Variants in PAPPA2 observed in about 807,000 individuals in gnomAD.
PAPPA2 encodes pappalysin 2, also known as pappalysin-2.
A neutral mutation model predicts 176.4 loss-of-function variants in PAPPA2; 86 were observed. The observed-to-expected ratio is 0.49, with a 90% CI of 0.41 to 0.58. The LOEUF is 0.58. Among genes scored for constraint, PAPPA2 ranks in the 20% least tolerant of loss-of-function variants. The pLI is 0.00. For missense variants in PAPPA2, 2,073 were observed against 2,256.9 expected (o/e 0.92, Z 1.65); for synonymous variants, 809 against 852.2 (o/e 0.95, Z 0.88).
At chr1:176,722,392 T>C (rs1276623004) in intron 12 of PAPPA2, among the ~76,000 whole-genome samples, 1 of 151,472 alleles carries the variant, frequency 6.6e-6, no homozygotes, top group Non-Finnish European at 1.5e-5. Context: ...TAAGATAGCT[T>C]GTGCTTTGTG....
At position 176,790,699 on chromosome 1, in the gene PAPPA2, A is replaced by C. The variant is rs144043522; in HGVS notation, c.4885-648A>C. Among the ~76,000 whole-genome samples, 275 of 152,304 alleles carry C rather than the reference A, an allele frequency of 1.8e-3. 1 individual carries two copies. Among genetic ancestry groups the C allele is most frequent in the African/African-American group, 5.7e-3 (236 of 41,566 alleles). On this transcript the variant is annotated intron_variant, in intron 18 of 22. Coordinates refer to ENST00000367662, the MANE Select transcript of PAPPA2 (RefSeq NM_020318.3). The stretch of plus-strand genomic sequence containing the variant: ...GTTAAGGAACCATCAAGTTGACCAG[A>C]TGAAGGGAGGGCTACCTACATTTCT...
chr1:176,818,842 G>A (rs1475836151), intron 21 of PAPPA2, among the ~76,000 whole-genome samples: 1 of 152,160 alleles, frequency 6.6e-6, no homozygotes, highest in East Asian at 1.9e-4. Flanking sequence ...CCCTCCACAT[G>A]TCCCCTCTCT....
intron 12 of PAPPA2, among the ~76,000 whole-genome samples, chr1:176,714,688 G>A (rs757459183): frequency 5.3e-5 from 8 of 152,108 alleles, no homozygotes; most frequent in Non-Finnish European, 7.3e-5. Context: ...ATAGCAATAG[G>A]TGCATTAATT....
intron 1 of PAPPA2, among the ~76,000 whole-genome samples, chr1:176,533,748 G>GC (rs1457485100): frequency 6.6e-6 from 1 of 152,164 alleles, no homozygotes; most frequent in Non-Finnish European, 1.5e-5. Context: ...CAGTGGAATG[G>GC]CCCTCGATTC....
In PAPPA2 at chr1:176,789,910, A is replaced by G; in HGVS notation, c.4817A>G (p.Tyr1606Cys). The change falls in exon 18 of 23, where the codon TAT becomes TGT. Residue 1606 changes from tyrosine to cysteine, a missense_variant. Coordinates refer to ENST00000367662, the MANE Select transcript of PAPPA2 (RefSeq NM_020318.3). Reference protein sequence around the residue: ...EPPPPVFEGMYECTNGFSLDS... With the variant: ...EPPPPVFEGMCECTNGFSLDS... ...CCCCCTCCTGTGTTTGAAGGCATGT[A>G]TGAATGTACCAATGGCTTCAGCCTG... is the stretch of plus-strand genomic sequence containing the variant. 1.2e-6 allele frequency: 2 copies of G among 1,614,188 alleles called. No homozygotes were observed. Among genetic ancestry groups the G allele is most frequent in the Non-Finnish European group, 1.7e-6 (2 of 1,180,006 alleles).
chr1:176,573,098 A>G (rs964788978), intron 2 of PAPPA2, among the ~76,000 whole-genome samples: 17 of 152,144 alleles, frequency 1.1e-4, no homozygotes, highest in African/African-American at 4.1e-4. Context: ...TGTGGGTGCC[A>G]CCAGGTCTCT....
At chr1:176,710,964 C>T (rs780538399) in intron 11 of PAPPA2, among the ~76,000 whole-genome samples, 10 of 152,056 alleles carry the variant, frequency 6.6e-5, no homozygotes, top group East Asian at 5.8e-4. Context: ...TTCTCCTAGG[C>T]GTGAAGTCAG....
intron 2 of PAPPA2, among the ~76,000 whole-genome samples, chr1:176,560,867 C>T (rs1651626336): frequency 6.6e-6 from 1 of 152,220 alleles, no homozygotes; most frequent in Non-Finnish European, 1.5e-5. Flanking sequence ...CCTGCAGCTC[C>T]AAGTTGCAGG....
intron 12 of PAPPA2, among the ~76,000 whole-genome samples, chr1:176,713,677 C>A (rs373448764): frequency 7.9e-5 from 12 of 152,092 alleles, no homozygotes; most frequent in South Asian, 2.1e-4. Flanking sequence ...ACTGTTCAGT[C>A]CCCCCAGGCC....
chr1:176,554,771 C>T (rs1651167092), intron 1 of PAPPA2, among the ~76,000 whole-genome samples: 1 of 152,174 alleles, frequency 6.6e-6, no homozygotes, highest in Non-Finnish European at 1.5e-5. Flanking sequence ...TAGTACTTCT[C>T]ACAGCAGGAT....
intron 3 of PAPPA2, among the ~76,000 whole-genome samples, chr1:176,610,481 A>G (rs1240259969): frequency 6.6e-6 from 1 of 152,204 alleles, no homozygotes; most frequent in Admixed American, 6.5e-5. Context: ...TGTAAGCTTC[A>G]TGTGAAATGA....
chr1:176,756,042 T>C (rs1431510490), intron 14 of PAPPA2, among the ~76,000 whole-genome samples: 1 of 152,124 alleles, frequency 6.6e-6, no homozygotes, highest in Non-Finnish European at 1.5e-5. Context: ...CACTGCAATG[T>C]CCATCTCCCG....
In PAPPA2 at chr1:176,839,330, G is replaced by T. The variant is rs111674036; in HGVS notation, c.5203-843G>T. 2.7e-3 allele frequency among the ~76,000 whole-genome samples: 405 copies of T among 152,262 alleles called. 1 individual carries two copies. Among genetic ancestry groups the T allele is most frequent in the African/African-American group, 9.2e-3 (381 of 41,552 alleles). On this transcript the variant is annotated intron_variant, in intron 21 of 22. Coordinates refer to ENST00000367662, the MANE Select transcript of PAPPA2 (RefSeq NM_020318.3). ...CTGAGCTATTTTTTAACAACTTGTT[G>T]CTGTTCTTATTGTACATTCTCTTTT...
At chr1:176,567,355 T>C (rs908287391) in intron 2 of PAPPA2, among the ~76,000 whole-genome samples, 9 of 152,188 alleles carry the variant, frequency 5.9e-5, no homozygotes, top group African/African-American at 2.2e-4. Context: ...GGTTGGGCTA[T>C]CAAGACGAGC....
intron 1 of PAPPA2, among the ~76,000 whole-genome samples, chr1:176,495,711 A>C (rs1647570568): frequency 6.6e-6 from 1 of 152,142 alleles, no homozygotes; most frequent in African/African-American, 2.4e-5. Flanking sequence ...TATTAGTCAA[A>C]TAATATTTAT....
intron 20 of PAPPA2, among the ~76,000 whole-genome samples, chr1:176,797,241 A>G (rs896268418): frequency 3.3e-5 from 5 of 152,226 alleles, no homozygotes; most frequent in African/African-American, 7.2e-5. Context: ...ATCTATAGTG[A>G]CATATTCTGG....
intron 3 of PAPPA2, among the ~76,000 whole-genome samples, chr1:176,656,085 T>C (rs967597195): frequency 2.0e-5 from 3 of 151,942 alleles, no homozygotes; most frequent in Non-Finnish European, 4.4e-5. Context: ...ATTTTCAATA[T>C]TGAACTTTCT....
At chr1:176,623,726 C>CTCTT (rs1231490449) in intron 3 of PAPPA2, among the ~76,000 whole-genome samples, 2 of 97,430 alleles carry the variant, frequency 2.1e-5, no homozygotes, top group African/African-American at 5.1e-5. Context: ...TTCTTTCTTT[C>CTCTT]TCTTTCTTTC....
At chr1:176,821,609 G>A (rs573156466) in intron 21 of PAPPA2, among the ~76,000 whole-genome samples, 19 of 152,260 alleles carry the variant, frequency 1.2e-4, no homozygotes, top group African/African-American at 2.2e-4. Flanking sequence ...AGAGTTTCAC[G>A]GTTAGCAGCT....
Sources: allele counts gnomAD v4.1 joint callset (sites outside exome capture counted in the v4.1 genomes callset), GRCh38; gene constraint gnomAD v4.1.1; transcripts MANE v1.5; gene names NCBI Gene and HGNC (gene_info 2026-07-23, HGNC 2026-07-21).